Variants in RGS8 observed in about 807,000 individuals in gnomAD.
RGS8 encodes the protein regulator of G protein signaling 8, also known as regulator of G-protein signaling 8.
Under a neutral mutation model 21.7 loss-of-function variants are expected in RGS8, and 8 were observed. The ratio of observed to expected loss-of-function variants is 0.37; its 90% CI spans 0.22 to 0.66. The LOEUF is 0.66. Ranked by LOEUF, RGS8 falls within the 30% of genes least tolerant of loss-of-function variation. The pLI, the probability that RGS8 is intolerant of heterozygous loss-of-function variation, is 0.59. For synonymous variants in RGS8, 80 were observed against 83.6 expected, an observed-to-expected ratio of 0.96 and a Z score of 0.24; for missense variants, 157 against 217.9, an observed-to-expected ratio of 0.72 and a Z score of 1.76.
downstream of RGS8, chr1:182,643,772 TACTG>T (rs1662582835): frequency 6.6e-6 from 1 of 152,260 alleles, no homozygotes; most frequent in Admixed American, 6.5e-5. Flanking sequence ...GAATGGTTGA[TACTG>T]ACAGTATTCT....
chr1:182,719,611 G>A, the RGS8 span, among the ~76,000 whole-genome samples: 3 of 151,298 alleles, frequency 2.0e-5, no homozygotes, highest in East Asian at 1.9e-4. Flanking sequence ...CTACCTTCCC[G>A]TAAAGATGAG....
the RGS8 span, among the ~76,000 whole-genome samples, chr1:182,701,978 C>G: frequency 0.013 from 1,982 of 152,290 alleles, 51 homozygotes; most frequent in African/African-American, 0.046. Flanking sequence ...CACTTACACA[C>G]TATTGGTGGG....
chr1:182,722,759 G>A, the RGS8 span, among the ~76,000 whole-genome samples: 2 of 151,954 alleles, frequency 1.3e-5, no homozygotes, highest in African/African-American at 2.4e-5. Context: ...GGTGGATCAC[G>A]AGGTCAGGAG....
chr1:182,692,427 G>T, the RGS8 span, among the ~76,000 whole-genome samples: 1 of 151,916 alleles, frequency 6.6e-6, no homozygotes, highest in African/African-American at 2.4e-5. Flanking sequence ...GGAGGTGAAA[G>T]ATCTCTACAA....
At chr1:182,736,371 T>C in the RGS8 span, among the ~76,000 whole-genome samples, 1 of 152,194 alleles carries the variant, frequency 6.6e-6, no homozygotes, top group Non-Finnish European at 1.5e-5. Flanking sequence ...TGGGGAATAG[T>C]GTTTAGGTCA....
the RGS8 span, among the ~76,000 whole-genome samples, chr1:182,698,572 T>C: frequency 6.6e-6 from 1 of 152,216 alleles, no homozygotes; most frequent in African/African-American, 2.4e-5. Flanking sequence ...TATAATTCTT[T>C]AAAGTCCTAG....
the RGS8 span, among the ~76,000 whole-genome samples, chr1:182,689,842 C>T: frequency 9.2e-5 from 14 of 152,354 alleles, no homozygotes; most frequent in African/African-American, 3.4e-4. Context: ...CATGCACATA[C>T]ACAATGACAC....
the RGS8 span, among the ~76,000 whole-genome samples, chr1:182,747,041 G>GTTTTTTTTT: frequency 1.1e-4 from 3 of 26,194 alleles, no homozygotes; most frequent in East Asian, 1.6e-3. Flanking sequence ...AACACTGCTG[G>GTTTTTTTTT]TCTTTTTTTT....
At chr1:182,701,728 C>G in the RGS8 span, among the ~76,000 whole-genome samples, 1 of 152,218 alleles carries the variant, frequency 6.6e-6, no homozygotes, top group Non-Finnish European at 1.5e-5. Flanking sequence ...CTTAGTGGCC[C>G]AGTCAATCTT....
At chr1:182,741,477 G>T in the RGS8 span, among the ~76,000 whole-genome samples, 1 of 141,030 alleles carries the variant, frequency 7.1e-6, no homozygotes, top group Non-Finnish European at 1.6e-5. Flanking sequence ...TTCCGGGACC[G>T]GGCGGCTGGC....
At chr1:182,742,117 G>T in the RGS8 span, among the ~76,000 whole-genome samples, 4 of 147,962 alleles carry the variant, frequency 2.7e-5, no homozygotes, top group African/African-American at 1.0e-4. Flanking sequence ...CGGGGCAGAG[G>T]TGCTCCCCAC....
intron 5 of RGS8, among the ~76,000 whole-genome samples, chr1:182,655,982 G>A (rs1045758894): frequency 6.6e-6 from 1 of 152,158 alleles, no homozygotes; most frequent in Admixed American, 6.5e-5. Context: ...AAGCCCAAGC[G>A]TTCTCATCTC....
the RGS8 span, among the ~76,000 whole-genome samples, chr1:182,693,384 A>C: frequency 6.6e-6 from 1 of 152,326 alleles, no homozygotes; most frequent in East Asian, 1.9e-4. Flanking sequence ...AACATCACTA[A>C]TCATTAGAGA....
At chr1:182,658,881 A>G (rs1241939568) in intron 5 of RGS8, among the ~76,000 whole-genome samples, 3 of 152,210 alleles carry the variant, frequency 2.0e-5, no homozygotes, top group African/African-American at 7.2e-5. Flanking sequence ...ACTAAGTAAT[A>G]TTTATGTAGA....
At chr1:182,652,718 T>C (rs571486399) in intron 5 of RGS8, among the ~76,000 whole-genome samples, 1 of 152,294 alleles carries the variant, frequency 6.6e-6, no homozygotes, top group South Asian at 2.1e-4. Flanking sequence ...ATGATTATGA[T>C]GTAGTGTGAT....
the RGS8 span, among the ~76,000 whole-genome samples, chr1:182,712,503 G>A: frequency 6.6e-6 from 1 of 151,998 alleles, no homozygotes; most frequent in East Asian, 1.9e-4. Flanking sequence ...TGTCACCCAC[G>A]GCCAGAACAT....
the RGS8 span, among the ~76,000 whole-genome samples, chr1:182,732,597 A>G: frequency 6.6e-6 from 1 of 152,182 alleles, no homozygotes; most frequent in Admixed American, 6.5e-5. Context: ...GCTTCAACAA[A>G]GGGGTTCTCA....
chr1:182,720,452 A>G, the RGS8 span, among the ~76,000 whole-genome samples: 1 of 152,208 alleles, frequency 6.6e-6, no homozygotes, highest in African/African-American at 2.4e-5. Context: ...AAATGAAACC[A>G]TCTATGGAAG....
chr1:182,655,611 C>G (rs2102417138), intron 5 of RGS8, among the ~76,000 whole-genome samples: 1 of 152,286 alleles, frequency 6.6e-6, no homozygotes. Flanking sequence ...CCAAAATCAG[C>G]CCTATCATTA....
Sources: gnomAD v4.1 joint callset for allele counts (sites outside exome capture counted in the v4.1 genomes callset) on GRCh38, gnomAD v4.1.1 for gene constraint, MANE v1.5 for transcripts, NCBI Gene and HGNC (gene_info 2026-07-23, HGNC 2026-07-21) for gene names.